Variants in TRMT2B observed in about 807,000 individuals in gnomAD.
TRMT2B encodes the protein tRNA (uracil-5-)-methyltransferase homolog B.
In TRMT2B, 34 loss-of-function variants were observed where a neutral mutation model predicts 39.7. The observed-to-expected ratio is 0.86, with a 90% CI of 0.65 to 1.14. The LOEUF (loss-of-function observed/expected upper bound fraction) is 1.14, where lower values mean the gene tolerates loss of function less well. Among genes scored for constraint, TRMT2B ranks in the 50% most tolerant of loss-of-function variants. The pLI, the probability that TRMT2B is intolerant of heterozygous loss-of-function variation, is 0.00. For synonymous variants in TRMT2B, 132 were observed against 137.3 expected, an observed-to-expected ratio of 0.96 and a Z score of 0.27; for missense variants, 318 against 377.2, an observed-to-expected ratio of 0.84 and a Z score of 1.30.
At chrX:101,020,015 A>G (rs902422922) in intron 11 of TRMT2B, among the ~76,000 whole-genome samples, 2 of 111,538 alleles carry the variant, frequency 1.8e-5, no homozygotes, top group East Asian at 2.8e-4. Flanking sequence ...TCTTCCTGCT[A>G]TATCAGACAT....
chrX:101,010,298 G>A lies in TRMT2B; in HGVS notation c.*283C>T. On this transcript the variant is annotated 3_prime_UTR_variant, in exon 14 of 14. Transcript: ENST00000372936. ...ATGGTGGCACGCACCTTTAATCCTA[G>A]CTACTGGGGAAGCTGAGGCACGAGA... 4.2e-6 allele frequency: 1 copy of A among 240,964 alleles called. No homozygotes were observed. Among genetic ancestry groups the A allele is most frequent in the South Asian group, 1.0e-4 (1 of 9,572 alleles). 19.9% of individuals were successfully genotyped at this position (240,964 alleles called of 1,213,427 possible). A position where few individuals can be genotyped will look rare whatever the true frequency, so the allele number is the denominator to read the frequency against.
chrX:100,980,249 CAGGGGCTTT>C, the TRMT2B span, among the ~76,000 whole-genome samples: 1 of 110,715 alleles, frequency 9.0e-6, no homozygotes, highest in East Asian at 2.8e-4. Context: ...GGCCTGGGGT[CAGGGGCTTT>C]AGAAATCTGC....
the TRMT2B span, chrX:100,985,977 A>T: frequency 8.8e-7 from 1 of 1,139,123 alleles, no homozygotes; most frequent in South Asian, 2.1e-5. Flanking sequence ...AAAGTATAGA[A>T]ATGAAGGGTG....
the TRMT2B span, among the ~76,000 whole-genome samples, chrX:100,978,076 C>T: frequency 8.9e-6 from 1 of 112,324 alleles, no homozygotes; most frequent in Non-Finnish European, 1.9e-5. Flanking sequence ...TTTTGAGGAA[C>T]TTTCATAGTG....
At chrX:100,976,937 G>A in the TRMT2B span, among the ~76,000 whole-genome samples, 1 of 112,689 alleles carries the variant, frequency 8.9e-6, no homozygotes, top group East Asian at 2.8e-4. Flanking sequence ...AATTGCCTAG[G>A]AAGGAAATGC....
At chrX:101,048,163 T>C (rs937651325) in intron 2 of TRMT2B, among the ~76,000 whole-genome samples, 1 of 104,055 alleles carries the variant, frequency 9.6e-6, no homozygotes, top group African/African-American at 3.5e-5. Context: ...GAGAAAATTA[T>C]TGCTAAATTA....
intron 4 of TRMT2B, among the ~76,000 whole-genome samples, chrX:101,039,788 T>A (rs752153555): frequency 9.2e-6 from 1 of 108,998 alleles, no homozygotes; most frequent in South Asian, 4.0e-4. Flanking sequence ...TAGTCCCAAC[T>A]ACTAGGGAGG....
chrX:101,051,146 G>C (rs1448848314), intron 2 of TRMT2B, 105 bp downstream of exon 2: 1 of 317,760 alleles, frequency 3.1e-6, no homozygotes, highest in Non-Finnish European at 4.1e-6. Flanking sequence ...CTCAGGAATT[G>C]ATCAGGAAGA....
At chrX:101,001,796 T>TAAGCAA in the TRMT2B span, among the ~76,000 whole-genome samples, 464 of 60,645 alleles carry the variant, frequency 7.7e-3, 4 homozygotes, top group African/African-American at 0.033. Context: ...GGAATTCAAA[T>TAAGCAA]AAGCAAATCA....
At chrX:100,973,441 G>A in the TRMT2B span, among the ~76,000 whole-genome samples, 5 of 107,175 alleles carry the variant, frequency 4.7e-5, no homozygotes, top group Non-Finnish European at 9.7e-5. Flanking sequence ...TCGCCGGCGC[G>A]GCGGCAAAGA....
At chrX:101,025,120 T>C (rs184106858) in intron 7 of TRMT2B, among the ~76,000 whole-genome samples, 1 of 111,991 alleles carries the variant, frequency 8.9e-6, no homozygotes, top group East Asian at 2.8e-4. Context: ...ATAAATATTA[T>C]TGAAAAATTT....
chrX:100,984,702 A>C, the TRMT2B span, among the ~76,000 whole-genome samples: 2 of 111,972 alleles, frequency 1.8e-5, no homozygotes, highest in African/African-American at 6.5e-5. Context: ...GAGACAAAGC[A>C]AGCACAAAAA....
intron 7 of TRMT2B, among the ~76,000 whole-genome samples, chrX:101,030,532 C>A (rs1181243215): frequency 2.0e-5 from 2 of 101,138 alleles, no homozygotes; most frequent in Non-Finnish European, 3.9e-5. Flanking sequence ...CTCATTGCAA[C>A]CTCCGCCTCC....
intron 2 of TRMT2B, among the ~76,000 whole-genome samples, chrX:101,049,580 G>T (rs2088924734): frequency 9.2e-6 from 1 of 108,187 alleles, no homozygotes; most frequent in African/African-American, 3.4e-5. Flanking sequence ...GATCACTTGA[G>T]GTTAGGAGTT....
the TRMT2B span, among the ~76,000 whole-genome samples, chrX:100,979,674 AG>A: frequency 6.4e-3 from 709 of 111,632 alleles, 5 homozygotes; most frequent in African/African-American, 0.022. Context: ...GATGCTCATC[AG>A]TGTCTGGGCA....
chrX:100,989,567 G>A, the TRMT2B span, among the ~76,000 whole-genome samples: 11 of 104,137 alleles, frequency 1.1e-4, no homozygotes, highest in Non-Finnish European at 2.1e-4. Context: ...CCGAGATAGC[G>A]CCACTGCACT....
At chrX:101,018,524 A>G (rs1222633922) in intron 13 of TRMT2B, among the ~76,000 whole-genome samples, 1 of 105,085 alleles carries the variant, frequency 9.5e-6, no homozygotes, top group South Asian at 4.3e-4. Context: ...CTCTTGGCTC[A>G]CTGCAACCTC....
the TRMT2B span, chrX:100,973,637 G>C: frequency 8.7e-7 from 1 of 1,156,037 alleles, no homozygotes; most frequent in Non-Finnish European, 1.2e-6. Flanking sequence ...TTTATAACAG[G>C]ACTTACTTCT....
At position 101,051,389 on chromosome X, in the gene TRMT2B, T is replaced by G. The variant is rs2089083402; in HGVS notation, c.-162A>C. 1 of 752,530 alleles carries G rather than the reference T, an allele frequency of 1.3e-6. No individual in the cohort carries two copies. The highest frequency in any genetic ancestry group is 2.3e-5 in the African/African-American group (1 of 43,191). 62.0% of individuals were successfully genotyped at this position (752,530 alleles called of 1,213,427 possible). ...TTGCTAAACCAAACAAGCAAATGGG[T>G]TGACTGCTGTGTCGTGTCCCGAATG... is the stretch of plus-strand genomic sequence containing the variant. On this transcript the variant is annotated 5_prime_UTR_variant, in exon 2 of 14. Coordinates refer to ENST00000372936, the MANE Select transcript of TRMT2B (RefSeq NM_024917.6).
Sources: allele counts gnomAD v4.1 joint callset (sites outside exome capture counted in the v4.1 genomes callset), GRCh38; gene constraint gnomAD v4.1.1; transcripts MANE v1.5; gene names NCBI Gene and HGNC (gene_info 2026-07-23, HGNC 2026-07-21).